The following CFAP44 variants were observed in gnomAD, a reference collection of about 807,000 sequenced individuals.
CFAP44 encodes the protein cilia and flagella associated protein 44.
A neutral mutation model predicts 216.2 loss-of-function variants in CFAP44; 134 were observed. The observed-to-expected ratio is 0.62, with a 90% confidence interval of 0.54 to 0.72. The LOEUF is 0.72. Among genes scored for constraint, CFAP44 ranks in the 30% least tolerant of loss-of-function variants. The pLI is 0.00. For synonymous variants in CFAP44, 700 were observed against 727.6 expected (o/e 0.96, Z 0.61); for missense variants, 2,035 against 2,182.1 (o/e 0.93, Z 1.34).
At chr3:113,418,202 C>T (rs966235650) in intron 5 of CFAP44, among the ~76,000 whole-genome samples, 9 of 152,108 alleles carry the variant, frequency 5.9e-5, no homozygotes, top group Middle Eastern at 6.8e-3. Flanking sequence ...ATTCTCGTGC[C>T]TCAGCCTCCC....
Position 113,296,854 on chromosome 3 carries a change from G to T in CFAP44, c.5109C>A (p.Ile1703=). The change falls in exon 33 of 35, where the codon ATC becomes ATA. Residue 1703 remains isoleucine, a synonymous_variant. Transcript: ENST00000393845. ...KMEETVRQLM[I]SKFGRVVNLE... is the part of the protein sequence containing the mutation. ...GATTTACCACACGGCCAAACTTGCTGATCATGAGCTGCCGGACTGTTTCCT... is the reference window on the plus strand; with the variant it reads ...GATTTACCACACGGCCAAACTTGCTTATCATGAGCTGCCGGACTGTTTCCT... 1 of 1,537,344 alleles carries T rather than the reference G, an allele frequency of 6.5e-7. No individual in the cohort carries two copies. Among genetic ancestry groups the T allele is most frequent in the Non-Finnish European group, 8.7e-7 (1 of 1,146,924 alleles).
intron 1 of CFAP44, among the ~76,000 whole-genome samples, chr3:113,436,650 G>C (rs1357697372): frequency 6.6e-6 from 1 of 152,178 alleles, no homozygotes; most frequent in Non-Finnish European, 1.5e-5. Flanking sequence ...AACATTTAAA[G>C]TATTGGAAAG....
chr3:113,401,487 T>TAA (rs1195665817), intron 10 of CFAP44, 97 bp downstream of exon 10: 11 of 1,430,342 alleles, frequency 7.7e-6, no homozygotes, highest in Non-Finnish European at 1.1e-5. Flanking sequence ...TCATAACACT[T>TAA]ACAGTCAAAT....
chr3:113,311,962 G>C (rs377561598), intron 28 of CFAP44, among the ~76,000 whole-genome samples: 2 of 152,128 alleles, frequency 1.3e-5, no homozygotes, highest in African/African-American at 4.8e-5. Flanking sequence ...GAACTTGAGA[G>C]AGATGATTTA....
intron 15 of CFAP44, among the ~76,000 whole-genome samples, chr3:113,389,609 G>C (rs561508174): frequency 2.0e-5 from 3 of 151,774 alleles, no homozygotes; most frequent in Non-Finnish European, 1.5e-5. Flanking sequence ...CAAACCTTTA[G>C]CCAGACTAAC....
rs766825874 is a variant in CFAP44, at chr3:113,399,907, A to G, written c.1568T>C (p.Met523Thr). The G allele has an allele frequency of 2.5e-6, 4 of 1,576,972 alleles. No homozygotes were observed. In the South Asian group the frequency reaches 4.8e-5, roughly 19 times the overall value. ...AGTTCATTATAACAACAAACTTACC[A>G]TTCGGGGTACCCAAACAAGGGCAGT... ...GGTALVWVPR[M>T]VNFTGAQIIV... Residue 523 changes from methionine to threonine, a missense_variant and splice_region_variant, in exon 13 of 35, where the codon ATG becomes ACG. Transcript: ENST00000393845.
Position 113,419,976 on chromosome 3 carries a change from AG to A in CFAP44, c.570+40del, listed in dbSNP as rs563071164. On this transcript the variant is annotated intron_variant, in intron 5 of 34. Coordinates refer to ENST00000393845, the MANE Select transcript of CFAP44 (RefSeq NM_001164496.2). ...TGGTCCACAGAACAAGCAAAAAGATAGGGTTTTTTGGGGTTTTTTTCTAATT... is the reference window on the plus strand; with the variant it reads ...TGGTCCACAGAACAAGCAAAAAGATAGGTTTTTTGGGGTTTTTTTCTAATT... The A allele has an allele frequency of 5.2e-4, 834 of 1,599,978 alleles. 11 individuals carry two copies. In the South Asian group the frequency reaches 6.0e-3, roughly 11 times the overall value.
chr3:113,344,406 A>G (rs1950361982), intron 23 of CFAP44, 110 bp downstream of exon 23: 4 of 886,960 alleles, frequency 4.5e-6, no homozygotes, highest in African/African-American at 1.7e-5. Context: ...GAAGAGGGGC[A>G]AGAGATTGAG....
At chr3:113,423,234 C>G (rs1438349479) in intron 4 of CFAP44, among the ~76,000 whole-genome samples, 1 of 151,396 alleles carries the variant, frequency 6.6e-6, no homozygotes. Context: ...CCCACCTCAG[C>G]CCCCCAGGTA....
chr3:113,414,336 T>C (rs6779305), intron 6 of CFAP44, among the ~76,000 whole-genome samples: 37,406 of 152,014 alleles, frequency 0.25, 5,355 homozygotes, highest in East Asian at 0.58. Context: ...CTCTTCCTAT[T>C]TGAATACGCT....
At chr3:113,357,758 T>C (rs528205446) in intron 22 of CFAP44, among the ~76,000 whole-genome samples, 1 of 152,250 alleles carries the variant, frequency 6.6e-6, no homozygotes, top group East Asian at 1.9e-4. Context: ...AGAGTGTAAA[T>C]TTTCAAACCG....
intron 29 of CFAP44, among the ~76,000 whole-genome samples, chr3:113,306,861 T>C (rs1474488646): frequency 6.6e-6 from 1 of 152,220 alleles, no homozygotes; most frequent in Admixed American, 6.5e-5. Context: ...CTTCAAGCCA[T>C]TTAATTATCC....
chr3:113,330,380 G>A lies in CFAP44; in HGVS notation c.3904C>T (p.Pro1302Ser). ...PGVEQTGSGG[P>S]VGGFLKLSSR... ...GAGAGTTTGAGGAATCCTCCAACTG[G>A]GCCTCCAGACCCTGTCTGTTCCACT... The change falls in exon 26 of 35, where the codon CCA becomes TCA. Residue 1302 changes from proline to serine, a missense_variant. By Grantham distance (74) the Pro-to-Ser change is moderately conservative. Transcript: ENST00000393845. 6.5e-7 allele frequency: 1 copy of A among 1,537,184 alleles called. No individual in the cohort carries two copies. Among genetic ancestry groups the A allele is most frequent in the Non-Finnish European group, 8.7e-7 (1 of 1,146,872 alleles).
rs554045143 is a variant in CFAP44, at chr3:113,372,699, G to A, written c.2444+712C>T. ...CCTACGTAACAAATGTGCACGTTGT[G>A]CACATGTACCCTAGAACTTAAAGTA... On this transcript the variant is annotated intron_variant, in intron 18 of 34. Transcript: ENST00000393845. 5.2e-4 allele frequency among the ~76,000 whole-genome samples: 79 copies of A among 152,240 alleles called. 1 individual carries two copies. The South Asian group carries it at 7.5e-3, about 14-fold the overall frequency.
chr3:113,424,588 T>C (rs1015381249), intron 4 of CFAP44, among the ~76,000 whole-genome samples: 3 of 152,220 alleles, frequency 2.0e-5, no homozygotes, highest in Non-Finnish European at 2.9e-5. Flanking sequence ...ATAGAGATTA[T>C]ATATGTCCAT....
intron 24 of CFAP44, among the ~76,000 whole-genome samples, chr3:113,339,826 G>A (rs562926921): frequency 1.2e-4 from 18 of 152,306 alleles, no homozygotes; most frequent in Admixed American, 6.5e-4. Context: ...CAGAAACAGA[G>A]CTAGGGGGAG....
At position 113,287,025 on chromosome 3, in the gene CFAP44, C is replaced by CA. The variant is rs763078176; in HGVS notation, c.*4531dup. ...TATATGTTTTATAATTCTGGAGAGA[C>CA]ATAAGGAGTCCTACCCGTTGAGGTT... On this transcript the variant is annotated 3_prime_UTR_variant, in exon 35 of 35. Transcript: ENST00000393845. The CA allele has an allele frequency of 1.2e-5, 10 of 843,070 alleles. No homozygotes were observed. The African/African-American group carries it at 1.7e-4, about 14-fold the overall frequency. 52.2% of individuals were successfully genotyped at this position (843,070 alleles called of 1,614,324 possible).
Position 113,287,071 on chromosome 3 carries a change from C to A in CFAP44, c.*4486G>T. On this transcript the variant is annotated 3_prime_UTR_variant, in exon 35 of 35. Transcript: ENST00000393845. ...AGGTTGGAGAGGGAAAATAAAGAAG[C>A]TGCCACCTAACAGGAGTCACCCAGG... is the stretch of plus-strand genomic sequence containing the variant. 1.6e-6 allele frequency: 1 copy of A among 629,888 alleles called. No individual in the cohort carries two copies. Among genetic ancestry groups the A allele is most frequent in the East Asian group, 3.9e-5 (1 of 25,966 alleles). 39.0% of individuals were successfully genotyped at this position (629,888 alleles called of 1,614,324 possible). A position where few individuals can be genotyped will look rare whatever the true frequency, so the allele number is the denominator to read the frequency against.
intron 24 of CFAP44, among the ~76,000 whole-genome samples, chr3:113,341,362 AG>A (rs754490808): frequency 2.0e-5 from 3 of 152,134 alleles, no homozygotes; most frequent in Non-Finnish European, 4.4e-5. Flanking sequence ...TTTTTTTAAA[AG>A]AAAGCAATTA....
Sources: allele counts gnomAD v4.1 joint callset (sites outside exome capture counted in the v4.1 genomes callset), GRCh38; gene constraint gnomAD v4.1.1; transcripts MANE v1.5; gene names NCBI Gene and HGNC (gene_info 2026-07-23, HGNC 2026-07-21).